RALB: variants seen among roughly 807,000 people sequenced by gnomAD.
The protein encoded by RALB is ras-related protein Ral-B.
RALB carries 16 observed loss-of-function variants against 21.3 expected under a neutral mutation model. The observed-to-expected ratio is 0.75, with a 90% CI of 0.51 to 1.14. The LOEUF is 1.14. RALB is among the 50% of genes most tolerant of loss of function. RALB has a pLI of 0.00. For synonymous variants in RALB, 93 were observed against 96.1 expected, an observed-to-expected ratio of 0.97 and a Z score of 0.19; for missense variants, 161 against 256.2, an observed-to-expected ratio of 0.63 and a Z score of 2.54.
chr2:120,270,146 C>G (rs1451425299), intron 1 of RALB, among the ~76,000 whole-genome samples: 1 of 152,108 alleles, frequency 6.6e-6, no homozygotes, highest in Non-Finnish European at 1.5e-5. Context: ...TTTTGTGTTG[C>G]AAATATTTTC....
intron 1 of RALB, among the ~76,000 whole-genome samples, chr2:120,240,282 T>A (rs558052636): frequency 1.8e-4 from 24 of 133,290 alleles, no homozygotes; most frequent in African/African-American, 8.8e-4. Flanking sequence ...TACTTTTTTA[T>A]TTTTATTTTT....
intron 1 of RALB, among the ~76,000 whole-genome samples, chr2:120,244,087 C>T (rs1688932976): frequency 6.6e-6 from 1 of 152,048 alleles, no homozygotes; most frequent in Non-Finnish European, 1.5e-5. Flanking sequence ...CAACAGGAGA[C>T]AGAGAGAAAA....
chr2:120,243,334 A>G (rs1219877413), intron 1 of RALB, among the ~76,000 whole-genome samples: 1 of 152,204 alleles, frequency 6.6e-6, no homozygotes. Context: ...TCCAGAGGCT[A>G]TGGCTGGGCC....
At chr2:120,285,143 G>A (rs951902790) in intron 2 of RALB, among the ~76,000 whole-genome samples, 5 of 152,102 alleles carry the variant, frequency 3.3e-5, no homozygotes, top group Non-Finnish European at 7.3e-5. Context: ...ATGGCAGAAG[G>A]GGGAGCAAAC....
At chr2:120,246,763 G>T (rs971610918) in intron 1 of RALB, among the ~76,000 whole-genome samples, 14 of 152,206 alleles carry the variant, frequency 9.2e-5, no homozygotes, top group African/African-American at 3.1e-4. Context: ...GTGCTCTGCC[G>T]TTTAAAGGGC....
intron 2 of RALB, among the ~76,000 whole-genome samples, chr2:120,279,876 G>A (rs1009047906): frequency 6.6e-6 from 1 of 152,218 alleles, no homozygotes; most frequent in Admixed American, 6.5e-5. Context: ...GGGTGCAGCT[G>A]GAGTGGCCAT....
At chr2:120,289,525 C>T in intron 3 of RALB, 55 bp from the exon 4 acceptor site, 2 of 1,551,972 alleles carry the variant, frequency 1.3e-6, no homozygotes, top group South Asian at 2.3e-5. Flanking sequence ...GTTCACAAAA[C>T]CAGGGTTCGT....
chr2:120,289,556 TG>T, intron 3 of RALB, 23 bp from the exon 4 acceptor site: 1 of 1,606,772 alleles, frequency 6.2e-7, no homozygotes. Flanking sequence ...TTTTAGCTGC[TG>T]TATTTTTGGT....
chr2:120,270,604 C>G (rs1689637908), intron 1 of RALB, among the ~76,000 whole-genome samples: 1 of 85,808 alleles, frequency 1.2e-5, no homozygotes, highest in Non-Finnish European at 2.5e-5. Context: ...TGGAAAATAA[C>G]TGGTTAAAAT....
chr2:120,280,104 A>G (rs1450034331), intron 2 of RALB, among the ~76,000 whole-genome samples: 1 of 152,224 alleles, frequency 6.6e-6, no homozygotes, highest in Non-Finnish European at 1.5e-5. Flanking sequence ...GGCACCTGAC[A>G]CAAGTGTGTG....
intron 4 of RALB, among the ~76,000 whole-genome samples, chr2:120,292,839 T>C (rs72958713): frequency 0.021 from 3,227 of 152,286 alleles, 123 homozygotes; most frequent in African/African-American, 0.073. Flanking sequence ...ACGATGATTC[T>C]GTCCTTGGCT....
chr2:120,253,292 C>T (rs1689107073), intron 1 of RALB: 2 of 706,966 alleles, frequency 2.8e-6, no homozygotes, highest in African/African-American at 1.9e-5. Context: ...CACTTCCTGC[C>T]GCGGGCCTCC....
chr2:120,264,601 G>A (rs1360133037), intron 1 of RALB, among the ~76,000 whole-genome samples: 1 of 152,204 alleles, frequency 6.6e-6, no homozygotes, highest in Non-Finnish European at 1.5e-5. Flanking sequence ...CTGGTAAAAT[G>A]TACATAAGAT....
chr2:120,289,474 T>C, intron 3 of RALB, 106 bp from the exon 4 acceptor site: 1 of 1,164,396 alleles, frequency 8.6e-7, no homozygotes, highest in South Asian at 1.3e-5. Context: ...AGTGATTTTT[T>C]TTTTTCCTTC....
At chr2:120,252,842 C>T, upstream of RALB, 1 of 985,568 alleles carries the variant, frequency 1.0e-6, no homozygotes, top group Non-Finnish European at 1.2e-6. Context: ...GAGGCGCGCT[C>T]GGGGGGTGGG....
intron 3 of RALB, among the ~76,000 whole-genome samples, chr2:120,288,790 T>G (rs1690234851): frequency 6.6e-6 from 1 of 152,190 alleles, no homozygotes; most frequent in African/African-American, 2.4e-5. Context: ...TTTCCTTTCA[T>G]TTTTTTCACT....
Position 120,289,697 on chromosome 2 carries a change from C to T in RALB, c.441C>T (p.Ala147=), listed in dbSNP as rs776311627. ...CTGTGGAGGAGGCCAGGAGTAAAGC[C>T]GAAGAGTGGGGCGTGCAGTACGTGG... ...QVPVEEARSK[A]EEWGVQYVET... The change falls in exon 4 of 5, where the codon GCC becomes GCT. Residue 147 remains alanine, a synonymous_variant. Transcript: ENST00000272519. The T allele has an allele frequency of 2.4e-5, 39 of 1,614,108 alleles. No individual in the cohort carries two copies. The highest frequency in any genetic ancestry group is 2.0e-4 in the Admixed American group (12 of 60,010).
upstream of RALB, chr2:120,252,643 C>A (rs566012850): frequency 2.8e-4 from 86 of 302,852 alleles, 1 homozygote; most frequent in Admixed American, 5.4e-3. Flanking sequence ...ACGGGGCAGG[C>A]GCGCTGGGCC....
chr2:120,277,940 A>T (rs1573347525), intron 1 of RALB, among the ~76,000 whole-genome samples: 2 of 77,158 alleles, frequency 2.6e-5, no homozygotes, highest in Non-Finnish European at 5.6e-5. Context: ...TGTGTGAGCG[A>T]GTGTGAATGT....
Sources: gnomAD v4.1 joint callset for allele counts (sites outside exome capture counted in the v4.1 genomes callset) on GRCh38, gnomAD v4.1.1 for gene constraint, MANE v1.5 for transcripts, NCBI Gene and HGNC (gene_info 2026-07-23, HGNC 2026-07-21) for gene names.